The following CHRNA2 variants were observed in gnomAD, a reference collection of about 807,000 sequenced individuals.
The protein encoded by CHRNA2 is cholinergic receptor nicotinic alpha 2 subunit.
CHRNA2 carries 40 observed loss-of-function variants against 45.5 expected under a neutral mutation model. That is an observed-to-expected ratio of 0.88 (90% CI 0.68 to 1.15). CHRNA2 has a LOEUF of 1.15. Among genes scored for constraint, CHRNA2 ranks in the 50% most tolerant of loss-of-function variants. The pLI is 0.00. For missense variants in CHRNA2, 655 were observed against 701.7 expected (o/e 0.93, Z 0.75); for synonymous variants, 301 against 296.7 (o/e 1.01, Z -0.15).
At chr8:27,469,601 G>A in intron 3 of CHRNA2, 160 bp downstream of exon 3, 1 of 938,798 alleles carries the variant, frequency 1.1e-6, no homozygotes, top group East Asian at 2.6e-5. Flanking sequence ...AGAGCTGGGA[G>A]AGGGGAGAGC....
At chr8:27,468,147 T>C (rs911380988) in intron 4 of CHRNA2, among the ~76,000 whole-genome samples, 2 of 152,152 alleles carry the variant, frequency 1.3e-5, no homozygotes, top group Non-Finnish European at 2.9e-5. Context: ...GCTCATCCAG[T>C]ATCACAAGCT....
At chr8:27,468,895 G>C (rs1291227168) in intron 4 of CHRNA2, among the ~76,000 whole-genome samples, 2 of 152,170 alleles carry the variant, frequency 1.3e-5, no homozygotes, top group African/African-American at 4.8e-5. Context: ...GGCAGTATAG[G>C]TATTAAGCAC....
chr8:27,473,524 A>G (rs1309246493), intron 1 of CHRNA2, among the ~76,000 whole-genome samples: 2 of 100,668 alleles, frequency 2.0e-5, no homozygotes, highest in South Asian at 3.5e-4. Context: ...ACATAGTGAG[A>G]CCCCCCCCGC....
intron 1 of CHRNA2, chr8:27,475,170 G>A (rs1813022888): frequency 6.6e-6 from 1 of 152,188 alleles, no homozygotes; most frequent in Non-Finnish European, 1.5e-5. Flanking sequence ...CCTGTGATGT[G>A]TTTTACAAGC....
intron 5 of CHRNA2, among the ~76,000 whole-genome samples, chr8:27,465,963 A>T (rs1029260903): frequency 1.3e-5 from 2 of 152,154 alleles, no homozygotes; most frequent in Non-Finnish European, 2.9e-5. Context: ...CTGAAGTCTT[A>T]TTGGATAATT....
rs764266472 is a variant in CHRNA2, at chr8:27,471,107, G to A, written c.-49C>T. On this transcript the variant is annotated 5_prime_UTR_variant, in exon 2 of 7. An upstream open reading frame in the 5' UTR gains an earlier in-frame stop. Transcript: ENST00000407991. ...TCAGGTCAGGGCTTTGCTGTGGGTT[G>A]CACCATGGACCATGTCCCCAGCAGA... The A allele has an allele frequency of 4.5e-6, 7 of 1,547,276 alleles. No individual in the cohort carries two copies. Among genetic ancestry groups the A allele is most frequent in the Non-Finnish European group, 5.4e-6 (6 of 1,120,200 alleles).
intron 1 of CHRNA2, among the ~76,000 whole-genome samples, chr8:27,473,502 C>T (rs947312191): frequency 1.3e-5 from 2 of 150,246 alleles, no homozygotes; most frequent in African/African-American, 4.9e-5. Flanking sequence ...CAGTTCAAAA[C>T]CAGCCTGGGC....
chr8:27,475,061 T>G (rs1246133734), intron 1 of CHRNA2, among the ~76,000 whole-genome samples: 2 of 152,230 alleles, frequency 1.3e-5, no homozygotes, highest in Non-Finnish European at 2.9e-5. Flanking sequence ...TAGAGGTGAT[T>G]ATTATTCTTT....
intron 5 of CHRNA2, among the ~76,000 whole-genome samples, chr8:27,464,652 T>C (rs1352683535): frequency 6.6e-6 from 1 of 152,046 alleles, no homozygotes; most frequent in Non-Finnish European, 1.5e-5. Flanking sequence ...TATCTATGAG[T>C]CTGTTTTTCT....
At position 27,469,367 on chromosome 8, in the gene CHRNA2, G is replaced by T. The variant is rs796052296; in HGVS notation, c.307C>A (p.Gln103Lys). 10 of 1,557,166 alleles carry T rather than the reference G, an allele frequency of 6.4e-6. No individual in the cohort carries two copies. The highest frequency in any genetic ancestry group is 7.8e-6 in the Non-Finnish European group (9 of 1,149,736). ...AQLIDVDEKN[Q>K]MMTTNVWLKQ... is the part of the protein sequence containing the mutation. ...AGCCAGACGTTGGTGGTCATCATTT[G>T]GTTCTTCTCATCCTGGCCCAGAGAG... The change falls in exon 4 of 7, where the codon CAA (glutamine) becomes AAA (lysine). Residue 103 changes from glutamine to lysine, a missense_variant. Coordinates refer to ENST00000407991, the MANE Select transcript of CHRNA2 (RefSeq NM_000742.4).
At chr8:27,462,096 A>G (rs969965286) in intron 6 of CHRNA2, among the ~76,000 whole-genome samples, 2 of 152,228 alleles carry the variant, frequency 1.3e-5, no homozygotes, top group African/African-American at 4.8e-5. Flanking sequence ...GGGGGCCTGC[A>G]GTGACTTCAA....
chr8:27,467,431 A>G, intron 4 of CHRNA2, 93 bp from the exon 5 acceptor site: 1 of 997,522 alleles, frequency 1.0e-6, no homozygotes, highest in Admixed American at 1.9e-5. Context: ...AATTGGGCCA[A>G]GCAGCCCCCT....
Position 27,463,163 on chromosome 8 carries a change from C to T in CHRNA2, c.1280G>A (p.Gly427Asp). 1 of 1,597,170 alleles carries T rather than the reference C, an allele frequency of 6.3e-7. No homozygotes were observed. Among genetic ancestry groups the T allele is most frequent in the African/African-American group, 1.3e-5 (1 of 74,802 alleles). The change falls in exon 6 of 7, where the codon GGT becomes GAT. Residue 427 changes from glycine to aspartate, a missense_variant. Coordinates refer to ENST00000407991, the MANE Select transcript of CHRNA2 (RefSeq NM_000742.4). This position sits in a 1 kb window ranked among gnomAD's most constrained non-coding sequence, Gnocchi z 6.1. ...VEEEDRWACA[G>D]HVAPSVGTLC... is the part of the protein sequence containing the mutation. ...GGTGCCCACAGAGGGGGCCACATGA[C>T]CTGCACATGCCCATCTGTCCTCCTC...
In CHRNA2 at chr8:27,459,907, G is replaced by C. The variant is rs1386810913; in HGVS notation, c.*1722C>G. ...GCTCTGAGGCCTCCGGAGAGCAAGTGGGAGGAGAGGGGGCGCTGGGGGCTG... is the reference window on the plus strand; with the variant it reads ...GCTCTGAGGCCTCCGGAGAGCAAGTCGGAGGAGAGGGGGCGCTGGGGGCTG... On this transcript the variant is annotated 3_prime_UTR_variant, in exon 7 of 7. Coordinates refer to ENST00000407991, the MANE Select transcript of CHRNA2 (RefSeq NM_000742.4). 1 of 152,688 alleles carries C rather than the reference G, an allele frequency of 6.5e-6. No homozygotes were observed. Among genetic ancestry groups the C allele is most frequent in the Non-Finnish European group, 1.5e-5 (1 of 68,432 alleles). 9.5% of individuals were successfully genotyped at this position (152,688 alleles called of 1,614,324 possible).
chr8:27,473,330 A>G (rs1812949489), intron 1 of CHRNA2, among the ~76,000 whole-genome samples: 1 of 152,232 alleles, frequency 6.6e-6, no homozygotes. Flanking sequence ...CTAAATGCCA[A>G]TAACGATCAA....
chr8:27,472,251 G>A (rs753348611), intron 1 of CHRNA2, among the ~76,000 whole-genome samples: 1 of 152,216 alleles, frequency 6.6e-6, no homozygotes, highest in Non-Finnish European at 1.5e-5. Flanking sequence ...TGAACCCAGG[G>A]AGGGGGTCAT....
rs564532686 is a variant in CHRNA2 at position 27,469,351 on chromosome 8, T to G, written c.323A>C (p.Asn108Thr). 1.9e-6 allele frequency: 3 copies of G among 1,556,804 alleles called. No individual in the cohort carries two copies. The highest frequency in any genetic ancestry group is 2.4e-5 in the South Asian group (2 of 84,498). The change falls in exon 4 of 7, where the codon AAC becomes ACC. Residue 108 changes from asparagine (N) to threonine (T), a missense_variant. By Grantham distance (65) the Asn-to-Thr change is moderately conservative (BLOSUM62 0). Transcript: ENST00000407991. ...GGCCCTCACCTGTTTTAGCCAGACGTTGGTGGTCATCATTTGGTTCTTCTC... is the reference window on the plus strand; with the variant it reads ...GGCCCTCACCTGTTTTAGCCAGACGGTGGTGGTCATCATTTGGTTCTTCTC... ...VDEKNQMMTT[N>T]VWLKQEWSDY...
intron 3 of CHRNA2, 191 bp from the exon 4 acceptor site, chr8:27,469,570 G>A: frequency 1.2e-6 from 1 of 862,682 alleles, no homozygotes; most frequent in Non-Finnish European, 1.9e-6. Context: ...GCCAATCAAT[G>A]CCCTCCTAGG....
chr8:27,464,890 G>A (rs114958245), intron 5 of CHRNA2, among the ~76,000 whole-genome samples: 1,789 of 152,216 alleles, frequency 0.012, 38 homozygotes, highest in African/African-American at 0.041. Context: ...GAGATGAGAC[G>A]TCTCCAGGAA....
Sources: gnomAD v4.1 joint callset for allele counts (sites outside exome capture counted in the v4.1 genomes callset) on GRCh38, gnomAD v4.1.1 for gene constraint, Gnocchi (gnomAD v3.1) non-coding constraint, MANE v1.5 for transcripts, NCBI Gene and HGNC (gene_info 2026-07-23, HGNC 2026-07-21) for gene names.